Variants in PCSK6 observed in about 807,000 individuals in gnomAD.
PCSK6 encodes proprotein convertase subtilisin/kexin type 6.
Under a neutral mutation model 123.3 loss-of-function variants are expected in PCSK6, and 85 were observed. That is an observed-to-expected ratio of 0.69 (90% CI 0.58 to 0.83). The LOEUF is 0.83. Ranked by LOEUF, PCSK6 falls within the 40% of genes least tolerant of loss-of-function variation. The pLI, the probability that PCSK6 is intolerant of heterozygous loss-of-function variation, is 0.00. For missense variants in PCSK6, 1,191 were observed against 1,282.3 expected (o/e 0.93, Z 1.09); for synonymous variants, 508 against 516.0 (o/e 0.98, Z 0.21).
At position 101,474,809 on chromosome 15, in the gene PCSK6, C is replaced by A. The variant is rs2057690485; in HGVS notation, c.297+14565G>T. On this transcript the variant is annotated intron_variant, in intron 1 of 21. Transcript: ENST00000611716. ...TGCTAACACTGTTTTGCCTCCATCCCTGCAGCAGCTCCCCACCACTGCCTA... is the reference window on the plus strand; with the variant it reads ...TGCTAACACTGTTTTGCCTCCATCCATGCAGCAGCTCCCCACCACTGCCTA... 2.0e-5 allele frequency among the ~76,000 whole-genome samples: 3 copies of A among 152,344 alleles called. No homozygotes were observed. The South Asian group carries it at 6.2e-4, about 32-fold the overall frequency.
At chr15:101,355,033 T>C (rs868388877) in intron 13 of PCSK6, among the ~76,000 whole-genome samples, 12 of 152,362 alleles carry the variant, frequency 7.9e-5, no homozygotes, top group African/African-American at 2.9e-4. Context: ...CCTCTCTCGT[T>C]CTTTTGATAA....
intron 7 of PCSK6, among the ~76,000 whole-genome samples, chr15:101,394,592 C>T (rs1191676884): frequency 6.6e-6 from 1 of 151,370 alleles, no homozygotes; most frequent in Non-Finnish European, 1.5e-5. Flanking sequence ...CCGTCCTTCC[C>T]AAACAAACAG....
chr15:101,441,706 G>A (rs1390079252), intron 2 of PCSK6, among the ~76,000 whole-genome samples: 1 of 152,252 alleles, frequency 6.6e-6, no homozygotes, highest in South Asian at 2.1e-4. Context: ...AGAAATCCAC[G>A]GTCCCCGTCT....
chr15:101,416,749 G>C (rs11634760), intron 6 of PCSK6, among the ~76,000 whole-genome samples: 47,513 of 152,240 alleles, frequency 0.31, 8,038 homozygotes, highest in African/African-American at 0.45. Flanking sequence ...AGCTTGGGCT[G>C]TGGCTTCAGA....
intron 13 of PCSK6, among the ~76,000 whole-genome samples, chr15:101,343,413 T>C (rs1166573559): frequency 6.6e-6 from 1 of 152,144 alleles, no homozygotes; most frequent in Non-Finnish European, 1.5e-5. Flanking sequence ...TTTTTTTCTA[T>C]CATCTTAAGT....
chr15:101,482,919 C>A (rs563958856), intron 1 of PCSK6, among the ~76,000 whole-genome samples: 2 of 152,186 alleles, frequency 1.3e-5, no homozygotes, highest in Admixed American at 6.5e-5. Context: ...CACCACTCCC[C>A]GCACCAGCTC....
At chr15:101,411,720 CT>C (rs139172899) in intron 6 of PCSK6, among the ~76,000 whole-genome samples, 8,094 of 152,278 alleles carry the variant, frequency 0.053, 324 homozygotes, top group East Asian at 0.17. Flanking sequence ...CCACCCCGAC[CT>C]ATGGCAGCAC....
intron 1 of PCSK6, among the ~76,000 whole-genome samples, chr15:101,458,394 C>T (rs1359266451): frequency 1.3e-5 from 2 of 152,134 alleles, no homozygotes; most frequent in East Asian, 1.9e-4. Context: ...CGTAGAGACC[C>T]GAGCTGGGCA....
intron 10 of PCSK6, 116 bp downstream of exon 10, chr15:101,384,206 A>G: frequency 6.7e-7 from 1 of 1,496,776 alleles, no homozygotes; most frequent in Admixed American, 2.2e-5. Context: ...TTCTTGTGAC[A>G]CACAATTAAT....
chr15:101,422,424 C>T (rs111421251), intron 6 of PCSK6, among the ~76,000 whole-genome samples: 223 of 152,250 alleles, frequency 1.5e-3, no homozygotes, highest in African/African-American at 5.2e-3. Flanking sequence ...TTCAGACTTG[C>T]TAAGTTAGAG....
At chr15:101,464,378 A>G (rs1417447114) in intron 1 of PCSK6, among the ~76,000 whole-genome samples, 1 of 152,008 alleles carries the variant, frequency 6.6e-6, no homozygotes, top group Non-Finnish European at 1.5e-5. Context: ...TGGTTCCCTC[A>G]CAATTTGGTC....
intron 19 of PCSK6, among the ~76,000 whole-genome samples, chr15:101,314,062 C>G (rs945617492): frequency 6.6e-6 from 1 of 152,042 alleles, no homozygotes; most frequent in Non-Finnish European, 1.5e-5. Flanking sequence ...TAGAAGATGA[C>G]GGGGGAAGAT....
intron 1 of PCSK6, among the ~76,000 whole-genome samples, chr15:101,487,305 G>A (rs1202799358): frequency 6.6e-6 from 1 of 152,218 alleles, no homozygotes; most frequent in East Asian, 1.9e-4. Context: ...CTGAGTGACC[G>A]GGCTGCGTGG....
intron 11 of PCSK6, among the ~76,000 whole-genome samples, chr15:101,372,898 G>C (rs1445354089): frequency 2.0e-5 from 3 of 152,126 alleles, no homozygotes; most frequent in Admixed American, 6.5e-5. Context: ...ATTGCTCATC[G>C]GTAGGGGAAG....
rs1052556332 is a variant in PCSK6, at chr15:101,398,259, C to A, written c.996+145G>T. The A allele has an allele frequency of 5.0e-6, 5 of 1,002,368 alleles. No homozygotes were observed. The highest frequency in any genetic ancestry group is 4.8e-5 in the Admixed American group (2 of 41,692). 62.1% of individuals were successfully genotyped at this position (1,002,368 alleles called of 1,614,324 possible). A position where few individuals can be genotyped will look rare whatever the true frequency, so the allele number is the denominator to read the frequency against. On this transcript the variant is annotated intron_variant, in intron 7 of 21. Coordinates refer to ENST00000611716, the MANE Select transcript of PCSK6 (RefSeq NM_002570.5). The surrounding 1 kb of genome is among the most constrained non-coding windows in gnomAD (Gnocchi z 4.6). The stretch of plus-strand genomic sequence containing the variant: ...CACTTCTCAGACTCCCCGAGTGACT[C>A]CTCCACACTGGCCCTGGCACCTGTC...
intron 21 of PCSK6, among the ~76,000 whole-genome samples, chr15:101,306,347 G>A (rs553525195): frequency 4.1e-5 from 6 of 147,974 alleles, no homozygotes; most frequent in South Asian, 2.3e-4. Flanking sequence ...CAACCCTCCC[G>A]CCACCCCCCA....
chr15:101,447,066 C>T (rs540440804), intron 1 of PCSK6, among the ~76,000 whole-genome samples: 4 of 152,180 alleles, frequency 2.6e-5, no homozygotes, highest in Admixed American at 6.5e-5. Context: ...CTCGTCGGCC[C>T]GGATGATGCT....
chr15:101,414,644 C>G (rs1366352635), intron 6 of PCSK6, among the ~76,000 whole-genome samples: 1 of 151,944 alleles, frequency 6.6e-6, no homozygotes, highest in Non-Finnish European at 1.5e-5. Context: ...AACAGAAAAA[C>G]AGATTTAGAA....
chr15:101,489,519 C>T lies in PCSK6; in HGVS notation c.152G>A (p.Trp51Ter). ...GGCAGGCAGCGCCAGCAGCAGCAGC[C>T]AGCGCCAGGGACGCGGCGCGAGCGG... ...FRPLAPRPWRWLLLLALPAAC... is the reference protein window; with the variant it reads ...FRPLAPRPWR The change falls in exon 1 of 22, where the codon TGG (tryptophan) becomes TAG (stop). Residue 51 changes from tryptophan (W) to a stop codon, truncating the protein, a stop_gained. Transcript: ENST00000611716. LOFTEE classifies it high-confidence loss of function. 9.7e-7 allele frequency: 1 copy of T among 1,032,854 alleles called. No homozygotes were observed. The highest frequency in any genetic ancestry group is 1.2e-6 in the Non-Finnish European group (1 of 863,142). The allele number at this position is 1,032,854 out of a possible 1,614,324, so 64.0% of individuals were successfully genotyped here.
Sources: gnomAD v4.1 joint callset for allele counts (sites outside exome capture counted in the v4.1 genomes callset) on GRCh38, gnomAD v4.1.1 for gene constraint, Gnocchi (gnomAD v3.1) non-coding constraint, MANE v1.5 for transcripts, NCBI Gene and HGNC (gene_info 2026-07-23, HGNC 2026-07-21) for gene names.